Variants in RNF6 observed in about 807,000 individuals in gnomAD.
RNF6 encodes E3 ubiquitin-protein ligase RNF6.
Under a neutral mutation model 50.1 loss-of-function variants are expected in RNF6, and 21 were observed. The observed-to-expected ratio is 0.42, with a 90% CI of 0.30 to 0.60. The LOEUF (loss-of-function observed/expected upper bound fraction) is 0.60, where lower values mean the gene tolerates loss of function less well. Among genes scored for constraint, RNF6 ranks in the 20% least tolerant of loss-of-function variants. RNF6 has a pLI of 0.20. For synonymous variants in RNF6, 255 were observed against 291.8 expected (o/e 0.87, Z 1.29); for missense variants, 698 against 838.2 (o/e 0.83, Z 2.07).
rs148653347 is a variant in RNF6 at position 26,172,138 on chromosome 13, G to A, written n.769-39687C>T. ...ATGTTAAAATTAAACAGTGACTAGG[G>A]ACAGAAAAATACACCAAGGGAAAGT... is the stretch of plus-strand genomic sequence containing the variant. On this transcript the variant is annotated intron_variant and non_coding_transcript_variant, in intron 5 of 5. Transcript: ENST00000468480. Among the ~76,000 whole-genome samples the A allele has an allele frequency of 4.5e-3, 684 of 152,220 alleles. 4 individuals are homozygous for A. Among genetic ancestry groups the A allele is most frequent in the South Asian group, 0.028 (135 of 4,826 alleles).
intron 5 of RNF6, among the ~76,000 whole-genome samples, chr13:26,173,789 A>G (rs1381676033): frequency 6.6e-6 from 1 of 152,004 alleles, no homozygotes; most frequent in Non-Finnish European, 1.5e-5. Flanking sequence ...CGGCTCTACT[A>G]AAAATACAGA....
chr13:26,215,360 AAGT>A lies in RNF6; in HGVS notation c.519_521del (p.Leu174del). On this transcript the variant is annotated inframe_deletion, in exon 5 of 5. Transcript: ENST00000381588. ...CAGTATGATCTCTGTTACTATCTGAAAGTGGAATGTCTGTATAATCTTCTCCAT... is the reference window on the plus strand; with the variant it reads ...CAGTATGATCTCTGTTACTATCTGAAGGAATGTCTGTATAATCTTCTCCAT... The A allele has an allele frequency of 6.2e-7, 1 of 1,614,174 alleles. No individual in the cohort carries two copies. Among genetic ancestry groups the A allele is most frequent in the Non-Finnish European group, 8.5e-7 (1 of 1,180,034 alleles).
chr13:26,174,210 T>C (rs548870881), intron 5 of RNF6, among the ~76,000 whole-genome samples: 1 of 152,130 alleles, frequency 6.6e-6, no homozygotes, highest in Admixed American at 6.5e-5. Context: ...ACTGATTTCA[T>C]CCTCTCGGTG....
At chr13:26,148,903 G>A (rs933995083) in intron 5 of RNF6, among the ~76,000 whole-genome samples, 1 of 151,460 alleles carries the variant, frequency 6.6e-6, no homozygotes. Context: ...AAAAGCCAAT[G>A]TCCCAGTTTG....
At chr13:26,132,377 G>A in exon 6 of RNF6, 1 of 453,206 alleles carries the variant, frequency 2.2e-6, no homozygotes, top group Non-Finnish European at 4.4e-6. Flanking sequence ...AAGATGAGGT[G>A]CTTCACAGTC....
At chr13:26,198,050 T>TATAC (rs149442560) in intron 5 of RNF6, among the ~76,000 whole-genome samples, 38,370 of 150,990 alleles carry the variant, frequency 0.25, 5,799 homozygotes, top group East Asian at 0.33. Context: ...GATGTGTATA[T>TATAC]ATACATACAT....
intron 5 of RNF6, among the ~76,000 whole-genome samples, chr13:26,134,536 C>T (rs978371182): frequency 5.3e-5 from 8 of 151,348 alleles, no homozygotes; most frequent in African/African-American, 1.9e-4. Flanking sequence ...TTCTGGGTTT[C>T]TGGCTTCTTC....
chr13:26,137,603 T>C (rs1376113580), intron 5 of RNF6, among the ~76,000 whole-genome samples: 4 of 147,388 alleles, frequency 2.7e-5, no homozygotes, highest in African/African-American at 1.0e-4. Flanking sequence ...AAATAATATA[T>C]AAGAATATGT....
intron 5 of RNF6, among the ~76,000 whole-genome samples, chr13:26,178,154 A>T (rs1031069525): frequency 1.3e-5 from 2 of 152,184 alleles, no homozygotes; most frequent in South Asian, 4.1e-4. Flanking sequence ...ACACCACTGC[A>T]CTCCAGCCTG....
At chr13:26,165,270 G>A (rs1236994262) in intron 5 of RNF6, among the ~76,000 whole-genome samples, 3 of 152,220 alleles carry the variant, frequency 2.0e-5, no homozygotes, top group African/African-American at 7.2e-5. Context: ...CAAGAATTGA[G>A]GTTTGGGAAC....
At chr13:26,171,932 T>C (rs1044619806) in intron 5 of RNF6, among the ~76,000 whole-genome samples, 1 of 152,204 alleles carries the variant, frequency 6.6e-6, no homozygotes. Context: ...TACTGTTTAA[T>C]GGGTGCAAAG....
intron 5 of RNF6, among the ~76,000 whole-genome samples, chr13:26,148,219 A>G (rs1256067436): frequency 6.6e-6 from 1 of 152,042 alleles, no homozygotes; most frequent in Non-Finnish European, 1.5e-5. Flanking sequence ...TCATGAGAAG[A>G]GCATGGGGGA....
chr13:26,139,402 C>T lies in RNF6; in HGVS notation n.769-6951G>A, dbSNP rs533343794. Among the ~76,000 whole-genome samples, 30 of 152,282 alleles carry T rather than the reference C, an allele frequency of 2.0e-4. No individual in the cohort carries two copies. In the South Asian group the frequency reaches 3.9e-3, roughly 20 times the overall value. On this transcript the variant is annotated intron_variant and non_coding_transcript_variant, in intron 5 of 5. Transcript: ENST00000468480. ...CCTCCTTCTTGCTTCTACCTCCTGA[C>T]CAAACCTGATGTTTTCCCTGTGGCC...
intron 5 of RNF6, among the ~76,000 whole-genome samples, chr13:26,179,167 AG>A (rs1012758875): frequency 6.6e-6 from 1 of 151,962 alleles, no homozygotes; most frequent in African/African-American, 2.4e-5. Flanking sequence ...GAGTTCTGTA[AG>A]GGTTCTTGAC....
chr13:26,176,300 T>TAG (rs765102646), intron 5 of RNF6, among the ~76,000 whole-genome samples: 47 of 152,300 alleles, frequency 3.1e-4, no homozygotes, highest in African/African-American at 1.1e-3. Context: ...CTCTTTTTTT[T>TAG]AGAGAGAGAG....
At chr13:26,208,752 G>A (rs1221868343), downstream of RNF6, among the ~76,000 whole-genome samples, 2 of 152,154 alleles carry the variant, frequency 1.3e-5, no homozygotes, top group Non-Finnish European at 2.9e-5. Flanking sequence ...ATCCCAATTG[G>A]TTGGAGTAAA....
intron 5 of RNF6, among the ~76,000 whole-genome samples, chr13:26,143,721 G>A (rs1871080658): frequency 2.6e-5 from 4 of 152,156 alleles, no homozygotes; most frequent in Admixed American, 1.3e-4. Context: ...ATCTGGAGCT[G>A]TGACTGAGTC....
chr13:26,195,340 CA>C (rs1720741465), intron 5 of RNF6, among the ~76,000 whole-genome samples: 1 of 151,082 alleles, frequency 6.6e-6, no homozygotes, highest in African/African-American at 2.4e-5. Flanking sequence ...TAACAGAAAC[CA>C]AAGCTGAAAA....
At chr13:26,192,512 C>T (rs1265338506) in intron 5 of RNF6, among the ~76,000 whole-genome samples, 1 of 152,188 alleles carries the variant, frequency 6.6e-6, no homozygotes, top group Non-Finnish European at 1.5e-5. Context: ...ACTCAGTGGC[C>T]TGCTTCTAAT....
Sources: allele counts gnomAD v4.1 joint callset (sites outside exome capture counted in the v4.1 genomes callset), GRCh38; gene constraint gnomAD v4.1.1; transcripts MANE v1.5; gene names NCBI Gene and HGNC (gene_info 2026-07-23, HGNC 2026-07-21).